RANBP17: variants seen among roughly 807,000 people sequenced by gnomAD.
RANBP17 encodes the protein ran-binding protein 17.
A neutral mutation model predicts 141.2 loss-of-function variants in RANBP17; 158 were observed. The observed-to-expected ratio is 1.12, with a 90% confidence interval of 0.98 to 1.28. RANBP17 has a LOEUF of 1.28. Among genes scored for constraint, RANBP17 ranks in the 50% most tolerant of loss-of-function variants. The probability of loss-of-function intolerance (pLI) is 0.00; values close to 1 mark genes in which losing one functional copy is unlikely to be tolerated. For missense variants in RANBP17, 1,438 were observed against 1,290.7 expected (o/e 1.11, Z -1.75); for synonymous variants, 430 against 450.0 (o/e 0.96, Z 0.56).
Position 171,032,037 on chromosome 5 carries a change from CAAAT to C in RANBP17, c.1710+63662_1710+63665del, listed in dbSNP as rs534607587. On this transcript the variant is annotated intron_variant, in intron 14 of 27. Transcript: ENST00000523189. ...CTTAGAATATGTCACTTAAAACAAA[CAAAT>C]AGTGATTTACTTTCAGTTCTGAAAA... 4.3e-4 allele frequency among the ~76,000 whole-genome samples: 66 copies of C among 152,174 alleles called. 1 individual carries two copies. The highest frequency in any genetic ancestry group is 1.4e-3 in the African/African-American group (58 of 41,548).
chr5:171,191,909 G>A (rs920787531), intron 18 of RANBP17, among the ~76,000 whole-genome samples: 3 of 152,150 alleles, frequency 2.0e-5, no homozygotes, highest in African/African-American at 2.4e-5. Flanking sequence ...TGGGGGCAGT[G>A]AAAGAAAATG....
At chr5:171,156,367 T>G (rs1758894351) in intron 14 of RANBP17, among the ~76,000 whole-genome samples, 1 of 152,192 alleles carries the variant, frequency 6.6e-6, no homozygotes, top group African/African-American at 2.4e-5. Context: ...AGTTTAATCC[T>G]GATTAGAAGA....
intron 24 of RANBP17, among the ~76,000 whole-genome samples, chr5:171,256,524 A>G (rs1418016333): frequency 6.6e-6 from 1 of 152,184 alleles, no homozygotes; most frequent in Non-Finnish European, 1.5e-5. Context: ...GCAAGGAAAA[A>G]CCAAACCCAA....
rs537497545 is a variant in RANBP17, at chr5:171,221,820, G to A, written c.2402G>A (p.Ser801Asn). The change falls in exon 22 of 28, where the codon AGT (serine) becomes AAT (asparagine). Residue 801 changes from serine to asparagine, a missense_variant. Coordinates refer to ENST00000523189, the MANE Select transcript of RANBP17 (RefSeq NM_022897.5). ...GGAATTCTTCTCTTCAGAGAAGCTA[G>A]TAAAATGGTTTGCACTTATGGTGAG... ...PNGILLFREA[S>N]KMVCTYGNQI... The A allele has an allele frequency of 8.9e-5, 143 of 1,605,662 alleles. No individual in the cohort carries two copies. The highest frequency in any genetic ancestry group is 1.2e-4 in the Non-Finnish European group (141 of 1,172,890).
chr5:171,234,552 G>A (rs1006600879), intron 22 of RANBP17, among the ~76,000 whole-genome samples: 1 of 152,210 alleles, frequency 6.6e-6, no homozygotes, highest in Non-Finnish European at 1.5e-5. Flanking sequence ...TTCAGGCAAA[G>A]TTTGATACTG....
intron 8 of RANBP17, among the ~76,000 whole-genome samples, chr5:170,915,995 A>G (rs181207396): frequency 6.6e-6 from 1 of 151,986 alleles, no homozygotes; most frequent in African/African-American, 2.4e-5. Flanking sequence ...GGGTAGAAGG[A>G]TTGTGGGTGG....
intron 22 of RANBP17, among the ~76,000 whole-genome samples, chr5:171,222,125 C>T (rs1349610861): frequency 1.3e-5 from 2 of 152,160 alleles, no homozygotes; most frequent in African/African-American, 4.8e-5. Context: ...AAAGTTACAG[C>T]ATATTCAAAA....
chr5:170,897,394 G>A (rs1011717958), intron 5 of RANBP17: 3 of 424,868 alleles, frequency 7.1e-6, no homozygotes, highest in Admixed American at 6.6e-5. Context: ...GCGCGTATGT[G>A]TACGTACAAC....
intron 14 of RANBP17, among the ~76,000 whole-genome samples, chr5:170,969,606 G>A (rs528188694): frequency 1.3e-5 from 2 of 150,704 alleles, no homozygotes; most frequent in East Asian, 3.9e-4. Context: ...TTTGGTGTAG[G>A]TCTTAAATCA....
intron 14 of RANBP17, among the ~76,000 whole-genome samples, chr5:171,025,407 T>G (rs755179741): frequency 1.3e-5 from 2 of 152,178 alleles, no homozygotes; most frequent in Non-Finnish European, 2.9e-5. Context: ...TCCTCAATTC[T>G]CCAAATGTTT....
intron 14 of RANBP17, among the ~76,000 whole-genome samples, chr5:171,011,738 G>A (rs11746760): frequency 0.11 from 17,043 of 151,250 alleles, 1,282 homozygotes; most frequent in Non-Finnish European, 0.16. Flanking sequence ...ATACACAAAC[G>A]CAATACTATG....
chr5:170,971,372 G>A (rs1485991957), intron 14 of RANBP17, among the ~76,000 whole-genome samples: 1 of 152,136 alleles, frequency 6.6e-6, no homozygotes, highest in African/African-American at 2.4e-5. Context: ...TCACAAAAAT[G>A]CTATGAAAAT....
intron 14 of RANBP17, among the ~76,000 whole-genome samples, chr5:171,136,170 A>G (rs373710724): frequency 2.3e-4 from 35 of 152,334 alleles, no homozygotes; most frequent in African/African-American, 8.2e-4. Flanking sequence ...GCAGTATTAT[A>G]GATTCAAAAT....
chr5:170,985,848 G>C (rs1242267048), intron 14 of RANBP17, among the ~76,000 whole-genome samples: 1 of 152,134 alleles, frequency 6.6e-6, no homozygotes, highest in Non-Finnish European at 1.5e-5. Context: ...TGTGGTAGCT[G>C]CTTGGATAGG....
At chr5:171,066,117 C>T (rs1461600126) in intron 14 of RANBP17, among the ~76,000 whole-genome samples, 3 of 152,070 alleles carry the variant, frequency 2.0e-5, no homozygotes, top group Admixed American at 6.6e-5. Flanking sequence ...CCACCTCGGC[C>T]TCCCAAGGTG....
intron 14 of RANBP17, among the ~76,000 whole-genome samples, chr5:171,145,193 G>T (rs1028472000): frequency 1.4e-4 from 21 of 152,236 alleles, no homozygotes; most frequent in African/African-American, 5.1e-4. Context: ...GCTTAGCAGT[G>T]GTTCCTAAGA....
intron 5 of RANBP17, among the ~76,000 whole-genome samples, chr5:170,901,988 G>A (rs553976386): frequency 5.9e-5 from 9 of 152,162 alleles, no homozygotes; most frequent in East Asian, 1.9e-4. Flanking sequence ...TGAATCTGAC[G>A]ATTATGTGTC....
chr5:170,919,505 C>A lies in RANBP17; in HGVS notation c.1166C>A (p.Ser389Tyr), dbSNP rs1772252861. 1 of 1,612,078 alleles carries A rather than the reference C, an allele frequency of 6.2e-7. No individual in the cohort carries two copies. Among genetic ancestry groups the A allele is most frequent in the Non-Finnish European group, 8.5e-7 (1 of 1,179,016 alleles). ...LLTLWQRMVA[S>Y]VPFVKSTEPH... ...ACTCTGTGGCAAAGGATGGTAGCAT[C>A]TGTTCCTTTTGTGAAATCAACTGAA... The change falls in exon 11 of 28, where the codon TCT (serine) becomes TAT (tyrosine). Residue 389 changes from serine to tyrosine, a missense_variant. Ser to Tyr is a moderately radical substitution (Grantham distance 144, BLOSUM62 -2). Transcript: ENST00000523189.
intron 12 of RANBP17, among the ~76,000 whole-genome samples, chr5:170,932,016 A>T (rs1254881334): frequency 6.6e-6 from 1 of 152,006 alleles, no homozygotes; most frequent in African/African-American, 2.4e-5. Context: ...CATTTTCATG[A>T]TATTGATTCT....
Sources: allele counts gnomAD v4.1 joint callset (sites outside exome capture counted in the v4.1 genomes callset), GRCh38; gene constraint gnomAD v4.1.1; transcripts MANE v1.5; gene names NCBI Gene and HGNC (gene_info 2026-07-23, HGNC 2026-07-21).